The following STAU2 variants were observed in gnomAD, a reference collection of about 807,000 sequenced individuals.
STAU2 encodes the protein staufen double-stranded RNA binding protein 2.
Under a neutral mutation model 65.9 loss-of-function variants are expected in STAU2, and 20 were observed. The observed-to-expected ratio is 0.30, with a 90% CI of 0.21 to 0.44. The LOEUF is 0.44. STAU2 is among the 20% of genes least tolerant of loss of function. STAU2 has a pLI of 1.00. For synonymous variants in STAU2, 232 were observed against 233.9 expected (o/e 0.99, Z 0.07); for missense variants, 558 against 683.9 (o/e 0.82, Z 2.05).
chr8:73,606,692 C>T (rs1340716726), intron 9 of STAU2, among the ~76,000 whole-genome samples: 1 of 152,144 alleles, frequency 6.6e-6, no homozygotes, highest in Non-Finnish European at 1.5e-5. Context: ...TGACTATATA[C>T]CTACTAAATG....
chr8:73,601,149 T>TA (rs1279941409), intron 10 of STAU2, among the ~76,000 whole-genome samples: 1 of 152,236 alleles, frequency 6.6e-6, no homozygotes, highest in Admixed American at 6.5e-5. Context: ...TGTTTGTCTT[T>TA]AAATTTAACA....
rs185068655 is a variant in STAU2 at position 73,453,785 on chromosome 8, T to A, written c.1531-31083A>T. Among the ~76,000 whole-genome samples, 737 of 150,908 alleles carry A rather than the reference T, an allele frequency of 4.9e-3. 5 individuals are homozygous for A. The highest frequency in any genetic ancestry group is 0.032 in the East Asian group (163 of 5,172). On this transcript the variant is annotated intron_variant, in intron 13 of 14. Transcript: ENST00000524300. ...TGGTAGTACAAATAACATCTTTTTT[T>A]TAAAAAAAAAAGATACAAAGCTACT...
chr8:73,429,278 G>A lies in STAU2; in HGVS notation c.1531-6576C>T, dbSNP rs575903847. Among the ~76,000 whole-genome samples the A allele has an allele frequency of 8.5e-5, 13 of 152,194 alleles. No individual in the cohort carries two copies. The South Asian group carries it at 2.7e-3, about 32-fold the overall frequency. On this transcript the variant is annotated intron_variant, in intron 13 of 14. Transcript: ENST00000524300. ...CCCTTTACCTGCCATGACCTGAGTT[G>A]TTATCACAGCCTTGTGAGATAGTTC...
At chr8:73,666,257 T>G (rs2130361623) in intron 6 of STAU2, among the ~76,000 whole-genome samples, 1 of 152,336 alleles carries the variant, frequency 6.6e-6, no homozygotes, top group Non-Finnish European at 1.5e-5. Context: ...CAACAAATCA[T>G]CAGCCTATAT....
At chr8:73,706,432 AGTT>A (rs1453465493) in intron 4 of STAU2, among the ~76,000 whole-genome samples, 1 of 152,126 alleles carries the variant, frequency 6.6e-6, no homozygotes, top group East Asian at 1.9e-4. Context: ...AAAATTAATG[AGTT>A]GAAACTAGGT....
chr8:73,672,434 T>C (rs146906697), intron 6 of STAU2: 9 of 152,268 alleles, frequency 5.9e-5, no homozygotes, highest in African/African-American at 2.2e-4. Context: ...CGTGAGGCTA[T>C]ACGTATGTAA....
At chr8:73,446,256 C>T (rs541661625) in intron 13 of STAU2, among the ~76,000 whole-genome samples, 1 of 152,274 alleles carries the variant, frequency 6.6e-6, no homozygotes, top group South Asian at 2.1e-4. Flanking sequence ...AGATGGAGAA[C>T]AGATTCATGG....
chr8:73,575,646 C>A (rs992074864), intron 12 of STAU2, among the ~76,000 whole-genome samples: 1 of 152,018 alleles, frequency 6.6e-6, no homozygotes, highest in African/African-American at 2.4e-5. Context: ...AGGAAAGGAT[C>A]TTCAGGACAT....
intron 6 of STAU2, among the ~76,000 whole-genome samples, chr8:73,626,289 C>A (rs2129975994): frequency 6.6e-6 from 1 of 152,292 alleles, no homozygotes; most frequent in South Asian, 2.1e-4. Flanking sequence ...AGTGCAAAGG[C>A]CCTGCAGAAA....
At chr8:73,571,301 A>G (rs1809066503) in intron 12 of STAU2, among the ~76,000 whole-genome samples, 1 of 152,138 alleles carries the variant, frequency 6.6e-6, no homozygotes, top group Non-Finnish European at 1.5e-5. Flanking sequence ...ATAATGGGAG[A>G]CTTTAAACAC....
intron 6 of STAU2, among the ~76,000 whole-genome samples, chr8:73,667,203 A>G (rs1239272706): frequency 1.3e-5 from 2 of 152,114 alleles, no homozygotes; most frequent in Non-Finnish European, 2.9e-5. Flanking sequence ...ATTATGCCTG[A>G]ATTACAACAA....
chr8:73,612,744 G>A (rs1812567459), intron 9 of STAU2, among the ~76,000 whole-genome samples: 1 of 152,138 alleles, frequency 6.6e-6, no homozygotes, highest in African/African-American at 2.4e-5. Context: ...GTGCCATTGT[G>A]CAATCAAAAG....
chr8:73,696,246 G>C (rs1819687374), intron 4 of STAU2, among the ~76,000 whole-genome samples: 1 of 152,174 alleles, frequency 6.6e-6, no homozygotes, highest in Non-Finnish European at 1.5e-5. Context: ...AAATTCCTGG[G>C]AAAGCCTTCC....
chr8:73,687,366 A>AATT (rs1229911059), intron 5 of STAU2, among the ~76,000 whole-genome samples: 126 of 4,880 alleles, frequency 0.026, no homozygotes, highest in African/African-American at 0.025. Context: ...TAATATAAAT[A>AATT]TAATTTATAA....
chr8:73,651,225 G>A, intron 6 of STAU2: 1 of 781,920 alleles, frequency 1.3e-6, no homozygotes, highest in Non-Finnish European at 2.1e-6. Context: ...CCTCAAATCT[G>A]CCTCCGCCAG....
intron 13 of STAU2, among the ~76,000 whole-genome samples, chr8:73,520,208 G>A (rs1179849581): frequency 1.3e-5 from 2 of 152,204 alleles, no homozygotes; most frequent in Non-Finnish European, 2.9e-5. Flanking sequence ...AGTCTCCTGA[G>A]ATTTCATCCT....
At chr8:73,714,688 T>C (rs1284815487) in intron 3 of STAU2, among the ~76,000 whole-genome samples, 1 of 152,048 alleles carries the variant, frequency 6.6e-6, no homozygotes, top group African/African-American at 2.4e-5. Context: ...GTTAACAACA[T>C]AAAAATAATA....
chr8:73,533,969 G>A (rs1047710199), intron 13 of STAU2, among the ~76,000 whole-genome samples: 14 of 152,066 alleles, frequency 9.2e-5, no homozygotes, highest in Admixed American at 2.0e-4. Flanking sequence ...CTTGTCTGTC[G>A]GATGTTTTTA....
At chr8:73,567,173 C>G (rs1212912756) in intron 12 of STAU2, among the ~76,000 whole-genome samples, 1 of 151,958 alleles carries the variant, frequency 6.6e-6, no homozygotes, top group Non-Finnish European at 1.5e-5. Flanking sequence ...ATACTGAGCA[C>G]CAACAATGCC....
Sources: gnomAD v4.1 joint callset for allele counts (sites outside exome capture counted in the v4.1 genomes callset) on GRCh38, gnomAD v4.1.1 for gene constraint, MANE v1.5 for transcripts, NCBI Gene and HGNC (gene_info 2026-07-23, HGNC 2026-07-21) for gene names.